PRKN: variants seen among roughly 807,000 people sequenced by gnomAD.
PRKN encodes E3 ubiquitin-protein ligase parkin.
In PRKN, 56 loss-of-function variants were observed where a neutral mutation model predicts 59.5. The observed-to-expected ratio is 0.94, with a 90% CI of 0.76 to 1.18. The LOEUF is 1.18. Ranked by LOEUF, PRKN falls within the 50% of genes most tolerant of loss-of-function variation. The pLI is 0.00. For synonymous variants in PRKN, 250 were observed against 222.1 expected (o/e 1.13, Z -1.12); for missense variants, 657 against 596.4 (o/e 1.10, Z -1.06).
chr6:162,540,053 T>C (rs778549975), intron 1 of PRKN, among the ~76,000 whole-genome samples: 31 of 151,878 alleles, frequency 2.0e-4, no homozygotes, highest in Admixed American at 4.6e-4. Context: ...GTAGCTGGGA[T>C]TATAGGCGCC....
At position 161,560,607 on chromosome 6, in the gene PRKN, C is replaced by T. The variant is rs7770392; in HGVS notation, c.933+8748G>A. ...TATTCTTTCTGTTTTACCTTCTCAT[C>T]CTGCTGACCTTTTTCTCATCCTTCT... On this transcript the variant is annotated intron_variant, in intron 8 of 11. Transcript: ENST00000366898. The surrounding 1 kb of genome is among the most constrained non-coding windows in gnomAD (Gnocchi z 4.9). 0.34 allele frequency among the ~76,000 whole-genome samples: 51,261 copies of T among 152,042 alleles called. 9,341 individuals carry two copies. The highest frequency in any genetic ancestry group is 0.57 in the East Asian group (2,917 of 5,154).
intron 7 of PRKN, among the ~76,000 whole-genome samples, chr6:161,609,743 T>G (rs1342706645): frequency 6.6e-6 from 1 of 152,138 alleles, no homozygotes; most frequent in Non-Finnish European, 1.5e-5. Flanking sequence ...AGGCAGGTTT[T>G]GGGCATGGAG....
chr6:162,302,539 G>A (rs1349520142), intron 2 of PRKN, among the ~76,000 whole-genome samples: 3 of 152,066 alleles, frequency 2.0e-5, no homozygotes, highest in Non-Finnish European at 4.4e-5. Context: ...ACAGTCCCCG[G>A]GGAAGAGCCA....
chr6:162,274,187 T>TAA (rs1272747469), intron 2 of PRKN, among the ~76,000 whole-genome samples: 3 of 144,698 alleles, frequency 2.1e-5, no homozygotes, highest in East Asian at 3.9e-4. Flanking sequence ...ATTAATGTAT[T>TAA]TATTTATTTA....
intron 4 of PRKN, among the ~76,000 whole-genome samples, chr6:162,176,722 G>A (rs1021148178): frequency 3.9e-5 from 6 of 152,030 alleles, no homozygotes; most frequent in African/African-American, 4.8e-5. Flanking sequence ...AGCAGACAGT[G>A]GAAACTGATA....
At chr6:162,257,926 C>T (rs925445828) in intron 3 of PRKN, among the ~76,000 whole-genome samples, 1 of 152,134 alleles carries the variant, frequency 6.6e-6, no homozygotes, top group Non-Finnish European at 1.5e-5. Context: ...GCCCAGCAGA[C>T]CCTACCTGAC....
rs60548327 is a variant in PRKN, at chr6:162,387,555, CAGAGAGAGAGAGAGAGAGAGAG to C, written c.171+55733_171+55754del. Among the ~76,000 whole-genome samples the C allele has an allele frequency of 8.4e-3, 806 of 95,640 alleles. 10 individuals are homozygous for C. Among genetic ancestry groups the C allele is most frequent in the African/African-American group, 0.031 (750 of 24,340 alleles). The allele number at this position is 95,640 out of a possible 152,430, so 62.7% of individuals were successfully genotyped here. A position where few individuals can be genotyped will look rare whatever the true frequency, so the allele number is the denominator to read the frequency against. On this transcript the variant is annotated intron_variant, in intron 2 of 11. Coordinates refer to ENST00000366898, the MANE Select transcript of PRKN (RefSeq NM_004562.3). ...CAACACACACACACACACACACACA[CAGAGAGAGAGAGAGAGAGAGAG>C]AGAGAGAGAGAGAGAGAGAGAGAGA...
chr6:162,527,983 C>T lies in PRKN; in HGVS notation c.8-84510G>A, dbSNP rs569287615. 5.8e-4 allele frequency among the ~76,000 whole-genome samples: 86 copies of T among 148,832 alleles called. 3 individuals are homozygous for T. In the South Asian group the frequency reaches 0.018, roughly 31 times the overall value. On this transcript the variant is annotated intron_variant, in intron 1 of 11. Transcript: ENST00000366898. Reference sequence around the variant, plus strand: ...AAAGAGACAGCTCAGTCTTCAGGAACAATCAACTGAATTTAATATTTACTC... The same window carrying T: ...AAAGAGACAGCTCAGTCTTCAGGAATAATCAACTGAATTTAATATTTACTC...
chr6:161,635,127 T>A (rs143233641), intron 7 of PRKN, among the ~76,000 whole-genome samples: 2 of 152,174 alleles, frequency 1.3e-5, no homozygotes, highest in Non-Finnish European at 2.9e-5. Context: ...CCAGTGATAG[T>A]TGATAATTTA....
At chr6:161,491,840 C>A (rs1777572532) in intron 9 of PRKN, among the ~76,000 whole-genome samples, 1 of 152,086 alleles carries the variant, frequency 6.6e-6, no homozygotes, top group African/African-American at 2.4e-5. Context: ...CCATGTTGGC[C>A]AGGCTGGTCT....
chr6:162,538,123 G>A (rs532284799), intron 1 of PRKN, among the ~76,000 whole-genome samples: 1 of 152,330 alleles, frequency 6.6e-6, no homozygotes, highest in South Asian at 2.1e-4. Context: ...ACCTCGGCGG[G>A]TGCGGTGGCT....
Position 161,676,711 on chromosome 6 carries a change from T to C in PRKN, c.872-107295A>G, listed in dbSNP as rs543992467. Among the ~76,000 whole-genome samples, 4 of 152,270 alleles carry C rather than the reference T, an allele frequency of 2.6e-5. No individual in the cohort carries two copies. The South Asian group carries it at 8.3e-4, about 32-fold the overall frequency. ...AAAGCCTGCAGACCCTTGCCTTAGA[T>C]TGGCAGGCCTAGTCAAAGGCTGGCC... On this transcript the variant is annotated intron_variant, in intron 7 of 11. Transcript: ENST00000366898.
rs571082869 is a variant in PRKN, at chr6:161,473,782, T to C, written c.1083+75072A>G. Among the ~76,000 whole-genome samples the C allele has an allele frequency of 6.6e-6, 1 of 152,314 alleles. No homozygotes were observed. Among genetic ancestry groups the C allele is most frequent in the African/African-American group, 2.4e-5 (1 of 41,562 alleles). On this transcript the variant is annotated intron_variant, in intron 9 of 11. Transcript: ENST00000366898. The surrounding 1 kb of genome is among the most constrained non-coding windows in gnomAD (Gnocchi z 4.1). ...ATAAGTATGTTAATTTGCTTGAGTATAGTAACCACTTCACTATGTATAAAT... is the reference window on the plus strand; with the variant it reads ...ATAAGTATGTTAATTTGCTTGAGTACAGTAACCACTTCACTATGTATAAAT...
At position 161,603,764 on chromosome 6, in the gene PRKN, G is replaced by C. The variant is rs1456079097; in HGVS notation, c.872-34348C>G. Reference sequence around the variant, plus strand: ...ATGTGGGACAAAATTATTTCCATAAGCTCTGGGAATGCCTCACAGAGGACA... The same window carrying C: ...ATGTGGGACAAAATTATTTCCATAACCTCTGGGAATGCCTCACAGAGGACA... On this transcript the variant is annotated intron_variant, in intron 7 of 11. Transcript: ENST00000366898. 5.9e-5 allele frequency among the ~76,000 whole-genome samples: 9 copies of C among 152,184 alleles called. No homozygotes were observed. In the South Asian group the frequency reaches 1.9e-3, roughly 32 times the overall value.
At chr6:161,479,212 T>C (rs1331093601) in intron 9 of PRKN, among the ~76,000 whole-genome samples, 1 of 152,114 alleles carries the variant, frequency 6.6e-6, no homozygotes, top group Non-Finnish European at 1.5e-5. Flanking sequence ...ATTTGAAAAA[T>C]AGCATCATTA....
At chr6:162,638,779 T>C (rs1777850354) in intron 1 of PRKN, among the ~76,000 whole-genome samples, 1 of 141,140 alleles carries the variant, frequency 7.1e-6, no homozygotes, top group African/African-American at 2.7e-5. Flanking sequence ...AGTTTTGCTC[T>C]TGTTGCCCAT....
intron 4 of PRKN, among the ~76,000 whole-genome samples, chr6:162,065,318 C>T (rs1369357690): frequency 6.6e-6 from 1 of 152,122 alleles, no homozygotes; most frequent in Non-Finnish European, 1.5e-5. Context: ...GTCTGATGTC[C>T]AAGGGCAGGA....
intron 1 of PRKN, among the ~76,000 whole-genome samples, chr6:162,516,440 G>A (rs530169710): frequency 5.9e-5 from 9 of 152,136 alleles, no homozygotes; most frequent in African/African-American, 1.9e-4. Context: ...ATCACTACTC[G>A]GTTATATTAT....
chr6:162,008,512 C>A (rs1340684120), intron 5 of PRKN, among the ~76,000 whole-genome samples: 1 of 152,120 alleles, frequency 6.6e-6, no homozygotes, highest in Non-Finnish European at 1.5e-5. Flanking sequence ...AGTGTTGTTA[C>A]ACAATCATTT....
Sources: gnomAD v4.1 joint callset for allele counts (sites outside exome capture counted in the v4.1 genomes callset) on GRCh38, gnomAD v4.1.1 for gene constraint, Gnocchi (gnomAD v3.1) non-coding constraint, MANE v1.5 for transcripts, NCBI Gene and HGNC (gene_info 2026-07-23, HGNC 2026-07-21) for gene names.